AHNAK: variants seen among roughly 807,000 people sequenced by gnomAD.
AHNAK encodes the protein AHNAK nucleoprotein, also known as neuroblast differentiation-associated protein AHNAK.
In AHNAK, 23 loss-of-function variants were observed where a neutral mutation model predicts 37.8. The ratio of observed to expected loss-of-function variants is 0.61; its 90% CI spans 0.44 to 0.86. The LOEUF is 0.86. AHNAK is among the 40% of genes least tolerant of loss of function. AHNAK has a pLI of 0.00. For synonymous variants in AHNAK, 2,481 were observed against 2,636.3 expected, an observed-to-expected ratio of 0.94 and a Z score of 1.80; for missense variants, 7,411 against 7,319.4, an observed-to-expected ratio of 1.01 and a Z score of -0.46.
At chr11:62,454,079 C>G (rs1299099375) in intron 5 of AHNAK, among the ~76,000 whole-genome samples, 1 of 149,662 alleles carries the variant, frequency 6.7e-6, no homozygotes, top group East Asian at 2.0e-4. Flanking sequence ...TGCACTGCAG[C>G]CTGGGCAACA....
rs116460217 is a variant in AHNAK at position 62,463,257 on chromosome 11, A to G, written c.442+28475T>C. Among the ~76,000 whole-genome samples the G allele has an allele frequency of 3.6e-3, 545 of 152,188 alleles. 6 individuals carry two copies. The highest frequency in any genetic ancestry group is 0.012 in the African/African-American group (494 of 41,532). On this transcript the variant is annotated intron_variant, in intron 5 of 5. Transcript: ENST00000257247. ...ACAACAAGCAGTGTCTTCTGTTCCAATAAGTTGATTATAACAGGATGCTGG... is the reference window on the plus strand; with the variant it reads ...ACAACAAGCAGTGTCTTCTGTTCCAGTAAGTTGATTATAACAGGATGCTGG...
chr11:62,456,284 A>T (rs758390071), intron 5 of AHNAK, among the ~76,000 whole-genome samples: 13 of 152,218 alleles, frequency 8.5e-5, no homozygotes, highest in Non-Finnish European at 1.8e-4. Flanking sequence ...TGAGCAAAAA[A>T]TACAGCCCTC....
Position 62,517,907 on chromosome 11 carries a change from C to T in AHNAK, c.16510G>A (p.Val5504Met). ...MPGIKSSGCD[V>M]NLPGVNVKLP... ...TTCACATTCACGCCTGGCAGGTTCA[C>T]ATCACATCCAGAGGACTTAATTCCA... is the stretch of plus-strand genomic sequence containing the variant. Residue 5504 changes from valine (V) to methionine (M), a missense_variant, in exon 5 of 5, where the codon GTG becomes ATG. Val to Met is a conservative substitution (Grantham distance 21). Coordinates refer to ENST00000378024, the MANE Select transcript of AHNAK (RefSeq NM_001620.3). 6.2e-7 allele frequency: 1 copy of T among 1,614,170 alleles called. No homozygotes were observed. Among genetic ancestry groups the T allele is most frequent in the Non-Finnish European group, 8.5e-7 (1 of 1,180,032 alleles).
At chr11:62,497,025 T>G (rs1351405904) in intron 4 of AHNAK, among the ~76,000 whole-genome samples, 2 of 152,148 alleles carry the variant, frequency 1.3e-5, no homozygotes, top group Non-Finnish European at 2.9e-5. Context: ...AGCTTTTCCT[T>G]TTAAAATGTA....
At chr11:62,466,343 T>C (rs982741005) in intron 5 of AHNAK, among the ~76,000 whole-genome samples, 4 of 152,048 alleles carry the variant, frequency 2.6e-5, no homozygotes, top group African/African-American at 9.7e-5. Flanking sequence ...TTGTTTTTAA[T>C]TATATCTCTA....
chr11:62,538,577 G>T (rs1203937393), intron 1 of AHNAK, among the ~76,000 whole-genome samples: 2 of 152,202 alleles, frequency 1.3e-5, no homozygotes, highest in Non-Finnish European at 2.9e-5. Flanking sequence ...ATGTATACCG[G>T]CTGCCTCCAT....
chr11:62,524,882 G>C lies in AHNAK; in HGVS notation c.9535C>G (p.Leu3179Val). 1 of 1,613,942 alleles carries C rather than the reference G, an allele frequency of 6.2e-7. No homozygotes were observed. The highest frequency in any genetic ancestry group is 8.5e-7 in the Non-Finnish European group (1 of 1,179,992). The change falls in exon 5 of 5, where the codon CTT becomes GTT. Residue 3179 changes from leucine (L) to valine (V), a missense_variant. By Grantham distance (32) the Leu-to-Val change is conservative. Transcript: ENST00000378024. The stretch of plus-strand genomic sequence containing the variant: ...TCCACCTTGGGTCCTGAGACGTCAA[G>C]GTCAGCCTTGGGCAGGTTCACGTCC... ...EVDVNLPKAD[L>V]DVSGPKVDVD... is the part of the protein sequence containing the mutation.
chr11:62,508,044 A>C (rs1051249339), intron 4 of AHNAK, among the ~76,000 whole-genome samples: 2 of 152,160 alleles, frequency 1.3e-5, no homozygotes, highest in African/African-American at 4.8e-5. Context: ...CCTGGCCTCA[A>C]GTGATCCTCC....
Position 62,527,764 on chromosome 11 carries a change from A to G in AHNAK, c.6653T>C (p.Val2218Ala), listed in dbSNP as rs775442452. 2 of 1,613,994 alleles carry G rather than the reference A, an allele frequency of 1.2e-6. No individual in the cohort carries two copies. Among genetic ancestry groups the G allele is most frequent in the Non-Finnish European group, 1.7e-6 (2 of 1,180,010 alleles). Residue 2218 changes from valine to alanine, a missense_variant, in exon 5 of 5, where the codon GTT becomes GCT. By Grantham distance (64) the Val-to-Ala change is moderately conservative (BLOSUM62 0). Coordinates refer to ENST00000378024, the MANE Select transcript of AHNAK (RefSeq NM_001620.3). The stretch of plus-strand genomic sequence containing the variant: ...GTCCACTTTGGGCCCTCTGATGTCA[A>G]CATCTGGCACTTTCATTTCACCTTC... ...KVEGEMKVPD[V>A]DIRGPKVDID...
At chr11:62,534,550 A>G (rs1940881750) in intron 4 of AHNAK, among the ~76,000 whole-genome samples, 1 of 152,156 alleles carries the variant, frequency 6.6e-6, no homozygotes, top group South Asian at 2.1e-4. Context: ...TTGAGGACCC[A>G]TTATTTGTTA....
Position 62,525,302 on chromosome 11 carries a change from C to A in AHNAK, c.9115G>T (p.Gly3039Cys). 6.2e-7 allele frequency: 1 copy of A among 1,612,872 alleles called. No individual in the cohort carries two copies. The highest frequency in any genetic ancestry group is 1.1e-5 in the South Asian group (1 of 91,014). ...KFSMPGFKGE[G>C]PDVDVNLPKA... Reference sequence around the variant, plus strand: ...GGCAGGTTCACATCCACATCTGGGCCCTCTCCTTTGAAGCCAGGCATGCTG... The same window carrying A: ...GGCAGGTTCACATCCACATCTGGGCACTCTCCTTTGAAGCCAGGCATGCTG... The change falls in exon 5 of 5, where the codon GGC becomes TGC. Residue 3039 changes from glycine (G) to cysteine (C), a missense_variant. By Grantham distance (159) the Gly-to-Cys change is radical (BLOSUM62 -3). Transcript: ENST00000378024.
At chr11:62,494,703 C>T (rs1565213664) in intron 4 of AHNAK, among the ~76,000 whole-genome samples, 1 of 151,980 alleles carries the variant, frequency 6.6e-6, no homozygotes, top group Non-Finnish European at 1.5e-5. Context: ...CTTGTCTCCA[C>T]AAAGAATTCA....
chr11:62,533,463 T>C lies in AHNAK; in HGVS notation c.954A>G (p.Thr318=), dbSNP rs1157757169. The change falls in exon 5 of 5, where the codon ACA becomes ACG. Residue 318 remains threonine, a synonymous_variant. Coordinates refer to ENST00000378024, the MANE Select transcript of AHNAK (RefSeq NM_001620.3). ...TMKVPKFGVS[T]GREGQTPKAG... is the part of the protein sequence containing the mutation. ...CCTTTGGTGTCTGGCCCTCACGCCCTGTTGAGACACCAAATTTCGGCACTT... is the reference window on the plus strand; with the variant it reads ...CCTTTGGTGTCTGGCCCTCACGCCCCGTTGAGACACCAAATTTCGGCACTT... 18 of 1,614,060 alleles carry C rather than the reference T, an allele frequency of 1.1e-5. No homozygotes were observed. The highest frequency in any genetic ancestry group is 3.3e-5 in the Admixed American group (2 of 60,008).
chr11:62,519,990 G>T lies in AHNAK; in HGVS notation c.14427C>A (p.Ile4809=), dbSNP rs199992585. Residue 4809 remains isoleucine (I), a synonymous_variant, in exon 5 of 5, where the codon ATC becomes ATA. Transcript: ENST00000378024. ...DVDVSLPKAD[I]DVSGPKVDVD... is the part of the protein sequence containing the mutation. ...CGTCCACCTTGGGTCCCGAGACATC[G>T]ATGTCGGCCTTGGGCAGGCTCACAT... 8.4e-5 allele frequency: 136 copies of T among 1,610,056 alleles called. No homozygotes were observed. The highest frequency in any genetic ancestry group is 1.1e-4 in the Non-Finnish European group (125 of 1,178,852).
At chr11:62,476,476 T>C (rs549092195) in intron 5 of AHNAK, among the ~76,000 whole-genome samples, 86 of 151,748 alleles carry the variant, frequency 5.7e-4, no homozygotes, top group African/African-American at 1.9e-3. Flanking sequence ...CAATGACCAA[T>C]TGAGAGAAAT....
chr11:62,459,471 A>T (rs561138573), intron 5 of AHNAK, among the ~76,000 whole-genome samples: 31 of 152,276 alleles, frequency 2.0e-4, no homozygotes, highest in Admixed American at 1.9e-3. Context: ...GAGCTCACAC[A>T]GCCCTGGCCC....
At chr11:62,515,868 G>A (rs767292615), downstream of AHNAK, 549 of 1,095,226 alleles carry the variant, frequency 5.0e-4, no homozygotes, top group Non-Finnish European at 5.7e-4. Flanking sequence ...CAGGTTTCAC[G>A]CCCCCGCAAC....
downstream of AHNAK, among the ~76,000 whole-genome samples, chr11:62,512,761 C>T (rs1368548524): frequency 6.6e-6 from 1 of 151,466 alleles, no homozygotes; most frequent in East Asian, 1.9e-4. The surrounding 1 kb of genome is among the most constrained non-coding windows in gnomAD (Gnocchi z 4.0). Context: ...AAAAATTAGC[C>T]CGGTGTGGTG....
intron 5 of AHNAK, among the ~76,000 whole-genome samples, chr11:62,443,002 C>T (rs1035608908): frequency 2.0e-5 from 3 of 151,560 alleles, no homozygotes; most frequent in South Asian, 4.2e-4. Context: ...GACAGAGTCT[C>T]GCTCTGTCAC....
Sources: gnomAD v4.1 joint callset for allele counts (sites outside exome capture counted in the v4.1 genomes callset) on GRCh38, gnomAD v4.1.1 for gene constraint, Gnocchi (gnomAD v3.1) non-coding constraint, MANE v1.5 for transcripts, NCBI Gene and HGNC (gene_info 2026-07-23, HGNC 2026-07-21) for gene names.